Variants in CALN1 observed in about 807,000 individuals in gnomAD.
CALN1 encodes the protein calcium-binding protein 8.
In CALN1, 17 loss-of-function variants were observed where a neutral mutation model predicts 30.6. That is an observed-to-expected ratio of 0.56 (90% confidence interval 0.38 to 0.83). The LOEUF (loss-of-function observed/expected upper bound fraction) is 0.83. CALN1 is among the 40% of genes least tolerant of loss of function. The pLI is 0.00. For missense variants in CALN1, 291 were observed against 354.9 expected (o/e 0.82, Z 1.45); for synonymous variants, 156 against 131.4 (o/e 1.19, Z -1.28).
At chr7:72,474,074 C>T in the CALN1 span, among the ~76,000 whole-genome samples, 1 of 151,920 alleles carries the variant, frequency 6.6e-6, no homozygotes, top group South Asian at 2.1e-4. Context: ...CCTTACAGGG[C>T]AATAAGATCA....
At chr7:72,403,602 CAT>C (rs538675368) in intron 1 of CALN1, among the ~76,000 whole-genome samples, 160 bp from the exon 2 acceptor site, 10 of 152,314 alleles carry the variant, frequency 6.6e-5, no homozygotes, top group African/African-American at 1.7e-4. Flanking sequence ...AGTTGAGACA[CAT>C]GTTTAGTTAT....
the CALN1 span, among the ~76,000 whole-genome samples, chr7:72,468,609 T>C: frequency 6.6e-6 from 1 of 152,238 alleles, no homozygotes; most frequent in African/African-American, 2.4e-5. Context: ...CCACCCTGCC[T>C]GGCCTGTGTT....
chr7:72,051,921 G>T (rs1802860112), intron 4 of CALN1, among the ~76,000 whole-genome samples: 1 of 152,118 alleles, frequency 6.6e-6, no homozygotes, highest in African/African-American at 2.4e-5. Flanking sequence ...CTATCTCAAG[G>T]CAGAAGCATA....
At chr7:71,842,101 T>C (rs1385351090) in intron 5 of CALN1, among the ~76,000 whole-genome samples, 2 of 152,126 alleles carry the variant, frequency 1.3e-5, no homozygotes, top group African/African-American at 2.4e-5. Context: ...ATATGGCTCA[T>C]ATCTCACATA....
intron 3 of CALN1, among the ~76,000 whole-genome samples, chr7:72,131,047 GGGTCATCA>G (rs1809109256): frequency 6.6e-6 from 1 of 152,174 alleles, no homozygotes; most frequent in African/African-American, 2.4e-5. Flanking sequence ...AAGCACCCAT[GGGTCATCA>G]AGGATGGCGT....
At chr7:71,906,478 A>G (rs953380373) in intron 5 of CALN1, among the ~76,000 whole-genome samples, 1 of 151,912 alleles carries the variant, frequency 6.6e-6, no homozygotes, top group African/African-American at 2.4e-5. Flanking sequence ...AGGGACAGGT[A>G]AAAGTCAGGT....
intron 4 of CALN1, among the ~76,000 whole-genome samples, chr7:72,028,432 C>T (rs892346524): frequency 6.6e-6 from 1 of 152,182 alleles, no homozygotes; most frequent in Non-Finnish European, 1.5e-5. Flanking sequence ...AGCTGACAAG[C>T]AGAAATGATG....
At chr7:72,410,038 C>A (rs897590930) in intron 1 of CALN1, among the ~76,000 whole-genome samples, 1 of 151,888 alleles carries the variant, frequency 6.6e-6, no homozygotes. Flanking sequence ...GAACATAATT[C>A]TTTCTTGAAG....
At chr7:72,377,621 A>C (rs995480718) in intron 2 of CALN1, among the ~76,000 whole-genome samples, 2 of 152,066 alleles carry the variant, frequency 1.3e-5, no homozygotes, top group African/African-American at 4.8e-5. Context: ...AACTTCTCTG[A>C]ACTAATTTTG....
intron 3 of CALN1, among the ~76,000 whole-genome samples, chr7:72,106,857 G>A (rs1259441468): frequency 9.2e-6 from 1 of 108,182 alleles, no homozygotes; most frequent in Non-Finnish European, 2.2e-5. Context: ...AGGAGGGAAG[G>A]AAGGAGGAAG....
At chr7:71,822,133 G>A (rs1486891613) in intron 5 of CALN1, among the ~76,000 whole-genome samples, 1 of 152,170 alleles carries the variant, frequency 6.6e-6, no homozygotes, top group African/African-American at 2.4e-5. Context: ...AAGGAGGCTA[G>A]AATTGGATTC....
intron 5 of CALN1, among the ~76,000 whole-genome samples, chr7:71,970,497 C>A (rs889192564): frequency 7.9e-5 from 12 of 152,030 alleles, no homozygotes; most frequent in Admixed American, 7.2e-4. Flanking sequence ...AGAAGACATT[C>A]TTATACTCAT....
chr7:72,311,298 A>G (rs1221106128), intron 2 of CALN1, among the ~76,000 whole-genome samples: 1 of 152,196 alleles, frequency 6.6e-6, no homozygotes, highest in Non-Finnish European at 1.5e-5. Context: ...TATATAATAT[A>G]TCAAATACAC....
intron 5 of CALN1, among the ~76,000 whole-genome samples, chr7:72,021,552 A>G (rs1406580301): frequency 2.0e-5 from 3 of 152,170 alleles, no homozygotes; most frequent in South Asian, 2.1e-4. Flanking sequence ...TTCTCCTTGC[A>G]TGGTGAGTAG....
rs184521258 is a variant in CALN1 at position 71,792,434 on chromosome 7, T to C, written c.659-4532A>G. Among the ~76,000 whole-genome samples the C allele has an allele frequency of 2.0e-5, 3 of 152,248 alleles. No individual in the cohort carries two copies. In the East Asian group the frequency reaches 5.8e-4, roughly 29 times the overall value. On this transcript the variant is annotated intron_variant, in intron 6 of 6. Transcript: ENST00000395275. ...TCTGCTTCCCTGGGGCGATTTAAAG[T>C]ATATGTGGCTCAGCTTTCTTCTTGC...
At chr7:72,009,740 A>T (rs1342554733) in intron 5 of CALN1, among the ~76,000 whole-genome samples, 1 of 152,192 alleles carries the variant, frequency 6.6e-6, no homozygotes, top group Non-Finnish European at 1.5e-5. Context: ...TGATGGTTTT[A>T]TAACGGGTTT....
chr7:72,103,929 G>A (rs1806891522), intron 4 of CALN1: 1 of 152,208 alleles, frequency 6.6e-6, no homozygotes, highest in Non-Finnish European at 1.5e-5. Context: ...AAAACTTAGA[G>A]GTAGTGAGGC....
At chr7:72,072,221 T>G (rs576249027) in intron 4 of CALN1, among the ~76,000 whole-genome samples, 101 of 152,222 alleles carry the variant, frequency 6.6e-4, no homozygotes, top group African/African-American at 2.1e-3. Context: ...CAAGACATAC[T>G]ATAGTCAAAC....
chr7:72,278,472 TACAC>T (rs59010102), intron 3 of CALN1, among the ~76,000 whole-genome samples: 18,750 of 143,818 alleles, frequency 0.13, 1,226 homozygotes, highest in Middle Eastern at 0.19. Flanking sequence ...ATCAGGTCTG[TACAC>T]ACACACACAC....
Sources: allele counts gnomAD v4.1 joint callset (sites outside exome capture counted in the v4.1 genomes callset), GRCh38; gene constraint gnomAD v4.1.1; transcripts MANE v1.5; gene names NCBI Gene and HGNC (gene_info 2026-07-23, HGNC 2026-07-21).